UBE2H: variants seen among roughly 807,000 people sequenced by gnomAD.
UBE2H encodes the protein ubiquitin conjugating enzyme E2 H, also known as ubiquitin-conjugating enzyme E2 H.
UBE2H carries 3 observed loss-of-function variants against 29.0 expected under a neutral mutation model. The observed-to-expected ratio is 0.10, with a 90% CI of 0.05 to 0.27. The LOEUF (loss-of-function observed/expected upper bound fraction) is 0.27. Among genes scored for constraint, UBE2H ranks in the 10% least tolerant of loss-of-function variants. UBE2H has a pLI of 1.00. For missense variants in UBE2H, 68 were observed against 228.2 expected, an observed-to-expected ratio of 0.30 and a Z score of 4.52; for synonymous variants, 69 against 82.9, an observed-to-expected ratio of 0.83 and a Z score of 0.91.
intron 5 of UBE2H, among the ~76,000 whole-genome samples, chr7:129,843,673 C>T (rs143183683): frequency 5.1e-4 from 78 of 152,334 alleles, no homozygotes; most frequent in Non-Finnish European, 9.4e-4. Flanking sequence ...TGCAAAGAAG[C>T]ATGCTAAGCA....
At chr7:129,859,850 C>T (rs147632233) in intron 3 of UBE2H, among the ~76,000 whole-genome samples, 20 of 152,202 alleles carry the variant, frequency 1.3e-4, no homozygotes, top group Non-Finnish European at 2.2e-4. Flanking sequence ...CCACTATCTC[C>T]GACCCCCATC....
chr7:129,917,599 C>T (rs911502403), intron 1 of UBE2H, among the ~76,000 whole-genome samples: 3 of 152,202 alleles, frequency 2.0e-5, no homozygotes, highest in Non-Finnish European at 4.4e-5. Flanking sequence ...TTCTTTTCAT[C>T]TCAAGCATGG....
At chr7:129,912,508 C>T (rs1449565740) in intron 1 of UBE2H, among the ~76,000 whole-genome samples, 3 of 152,122 alleles carry the variant, frequency 2.0e-5, no homozygotes, top group Admixed American at 6.6e-5. Context: ...AGCCACCACA[C>T]TGGGCTCATT....
At position 129,879,578 on chromosome 7, in the gene UBE2H, A is replaced by G. The variant is rs1563031914; in HGVS notation, c.195T>C (p.Ser65=). 6.2e-7 allele frequency: 1 copy of G among 1,612,100 alleles called. No individual in the cohort carries two copies. The highest frequency in any genetic ancestry group is 8.5e-7 in the Non-Finnish European group (1 of 1,179,320). Residue 65 remains serine, a synonymous_variant, in exon 3 of 7, where the codon TCT becomes TCC. Transcript: ENST00000355621. ...VDLPDKYPFK[S]PSIGFMNKIF... ...CAAGTAGTAACATACCTATAGATGGAGATTTGAAAGGGTATTTATCAGGTA... is the reference window on the plus strand; with the variant it reads ...CAAGTAGTAACATACCTATAGATGGGGATTTGAAAGGGTATTTATCAGGTA...
chr7:129,835,702 CT>C (rs1415543016), intron 6 of UBE2H, among the ~76,000 whole-genome samples: 1 of 152,154 alleles, frequency 6.6e-6, no homozygotes, highest in African/African-American at 2.4e-5. Context: ...CTGAATAAGA[CT>C]GCTGAAACGG....
intron 1 of UBE2H, among the ~76,000 whole-genome samples, chr7:129,905,787 G>A (rs745938756): frequency 1.3e-5 from 2 of 152,154 alleles, no homozygotes; most frequent in Non-Finnish European, 2.9e-5. Context: ...CGAGGAATAA[G>A]AGAGGGCCTA....
At chr7:129,949,024 C>G (rs1807820843) in intron 1 of UBE2H, 1 of 456,718 alleles carries the variant, frequency 2.2e-6, no homozygotes. Flanking sequence ...GGCCAATGAG[C>G]GCTGAGGAGC....
chr7:129,946,928 G>A (rs1487015616), intron 1 of UBE2H, among the ~76,000 whole-genome samples: 2 of 152,142 alleles, frequency 1.3e-5, no homozygotes, highest in African/African-American at 2.4e-5. Context: ...TGGATTACAT[G>A]CCTAAAAATC....
At chr7:129,891,066 G>A (rs1806474252) in intron 1 of UBE2H, among the ~76,000 whole-genome samples, 1 of 151,884 alleles carries the variant, frequency 6.6e-6, no homozygotes, top group Non-Finnish European at 1.5e-5. Flanking sequence ...AACCCGGGAG[G>A]TGGAGGTTGC....
rs781707959 is a variant in UBE2H at position 129,880,811 on chromosome 7, A to C, written c.130+84T>G. The C allele has an allele frequency of 2.4e-6, 3 of 1,270,136 alleles. No homozygotes were observed. In the Admixed American group the frequency reaches 7.0e-5, roughly 29 times the overall value. 78.7% of individuals were successfully genotyped at this position (1,270,136 alleles called of 1,614,324 possible). On this transcript the variant is annotated intron_variant, in intron 2 of 6. Transcript: ENST00000355621. The stretch of plus-strand genomic sequence containing the variant: ...TAAACTTGCTTTTCAGAAACTACGC[A>C]TGCTACCATCTGTCTTTGATATTCT...
intron 3 of UBE2H, among the ~76,000 whole-genome samples, chr7:129,868,935 CTTTTT>C (rs34258788): frequency 9.2e-5 from 11 of 119,828 alleles, no homozygotes; most frequent in Admixed American, 3.6e-4. Flanking sequence ...CTCTCTCTCT[CTTTTT>C]TTTTTTTTTT....
intron 1 of UBE2H, among the ~76,000 whole-genome samples, chr7:129,951,003 C>T (rs999217286): frequency 1.3e-5 from 2 of 152,182 alleles, no homozygotes; most frequent in African/African-American, 4.8e-5. Flanking sequence ...AAACCACAAA[C>T]TTAGAAGTCT....
At chr7:129,862,853 C>T (rs1421869224) in intron 3 of UBE2H, among the ~76,000 whole-genome samples, 2 of 152,162 alleles carry the variant, frequency 1.3e-5, no homozygotes, top group African/African-American at 4.8e-5. Flanking sequence ...GACATATTCA[C>T]ATACTTGGCT....
chr7:129,892,398 C>T (rs1806514275), intron 1 of UBE2H, among the ~76,000 whole-genome samples: 1 of 151,980 alleles, frequency 6.6e-6, no homozygotes, highest in South Asian at 2.1e-4. Context: ...ATTACAGGTG[C>T]ACACCACCAC....
chr7:129,863,812 T>TTTTTTTTTG (rs1194390876), intron 3 of UBE2H, among the ~76,000 whole-genome samples: 1 of 151,252 alleles, frequency 6.6e-6, no homozygotes, highest in Admixed American at 6.6e-5. Context: ...CTAGGTGTTT[T>TTTTTTTTTG]TTTTTTTTTT....
At chr7:129,863,808 G>GTTTTTTTTTTTTTTTTTT (rs34701981) in intron 3 of UBE2H, among the ~76,000 whole-genome samples, 1 of 136,042 alleles carries the variant, frequency 7.4e-6, no homozygotes, top group African/African-American at 2.8e-5. Context: ...AATACTAGGT[G>GTTTTTTTTTTTTTTTTTT]TTTTTTTTTT....
intron 5 of UBE2H, among the ~76,000 whole-genome samples, chr7:129,844,362 CTTCT>C (rs951489021): frequency 3.3e-4 from 51 of 152,272 alleles, no homozygotes; most frequent in African/African-American, 1.2e-3. Context: ...TGCAGAAAGT[CTTCT>C]TTCAAGATAA....
chr7:129,841,735 CCTTCATAAGGCTGA>C (rs1290772357), intron 5 of UBE2H, among the ~76,000 whole-genome samples: 1 of 152,108 alleles, frequency 6.6e-6, no homozygotes, highest in African/African-American at 2.4e-5. Context: ...GTCTATTTCA[CCTTCATAAGGCTGA>C]CTTCAGAACG....
intron 1 of UBE2H, among the ~76,000 whole-genome samples, chr7:129,921,795 C>T (rs1378274325): frequency 6.6e-6 from 1 of 150,864 alleles, no homozygotes; most frequent in African/African-American, 2.4e-5. Context: ...ATCTTTTTGG[C>T]GCTAACTTTG....
Sources: gnomAD v4.1 joint callset for allele counts (sites outside exome capture counted in the v4.1 genomes callset) on GRCh38, gnomAD v4.1.1 for gene constraint, MANE v1.5 for transcripts, NCBI Gene and HGNC (gene_info 2026-07-23, HGNC 2026-07-21) for gene names.